The following SSBP3 variants were observed in gnomAD, a reference collection of about 807,000 sequenced individuals.
SSBP3 encodes single-stranded DNA-binding protein 3.
SSBP3 carries 5 observed loss-of-function variants against 69.6 expected under a neutral mutation model. The observed-to-expected ratio is 0.07, with a 90% confidence interval of 0.04 to 0.15. SSBP3 has a LOEUF of 0.15. Among genes scored for constraint, SSBP3 ranks in the 10% least tolerant of loss-of-function variants. SSBP3 has a pLI of 1.00. For missense variants in SSBP3, 312 were observed against 534.0 expected (o/e 0.58, Z 4.10); for synonymous variants, 196 against 193.4 (o/e 1.01, Z -0.11).
At chr1:54,254,936 G>GA (rs1644892931) in intron 7 of SSBP3, among the ~76,000 whole-genome samples, 1 of 152,040 alleles carries the variant, frequency 6.6e-6, no homozygotes, top group Non-Finnish European at 1.5e-5. Context: ...AGGTCCCAGC[G>GA]ATTCTCCTGC....
At chr1:54,374,428 G>A (rs1314631109) in intron 4 of SSBP3, among the ~76,000 whole-genome samples, 1 of 152,172 alleles carries the variant, frequency 6.6e-6, no homozygotes, top group African/African-American at 2.4e-5. Flanking sequence ...ACACTTTCTT[G>A]AGGCCCTGCT....
intron 4 of SSBP3, among the ~76,000 whole-genome samples, chr1:54,297,996 T>G (rs1645730969): frequency 1.3e-5 from 2 of 152,104 alleles, no homozygotes; most frequent in African/African-American, 4.8e-5. Flanking sequence ...GATCCCAGGT[T>G]CTGGGGATGG....
chr1:54,238,369 A>C, intron 14 of SSBP3: 1 of 468,672 alleles, frequency 2.1e-6, no homozygotes, highest in Non-Finnish European at 4.4e-6. Flanking sequence ...TCAGACCCTG[A>C]GCTCCTGGAG....
intron 4 of SSBP3, among the ~76,000 whole-genome samples, chr1:54,325,673 G>GT (rs945512563): frequency 2.4e-4 from 37 of 152,270 alleles, no homozygotes; most frequent in Non-Finnish European, 4.3e-4. Context: ...CTTCCTGGTT[G>GT]TTTTTTTGCC....
At chr1:54,405,087 C>A (rs954654792) in intron 1 of SSBP3, among the ~76,000 whole-genome samples, 157 bp from the exon 2 acceptor site, 2 of 152,188 alleles carry the variant, frequency 1.3e-5, no homozygotes, top group African/African-American at 4.8e-5. Context: ...ACAGGGCCGC[C>A]AGGTGCGAAC....
At chr1:54,244,198 G>A (rs891998378) in intron 9 of SSBP3, among the ~76,000 whole-genome samples, 1 of 152,166 alleles carries the variant, frequency 6.6e-6, no homozygotes, top group South Asian at 2.1e-4. Flanking sequence ...CCACCTCCCA[G>A]GTTCAAGCGA....
intron 4 of SSBP3, among the ~76,000 whole-genome samples, chr1:54,291,239 A>C (rs1485339805): frequency 6.6e-6 from 1 of 152,132 alleles, no homozygotes; most frequent in African/African-American, 2.4e-5. Context: ...CACTCTCCTC[A>C]GTGAGCATCA....
Position 54,229,626 on chromosome 1 carries a change from T to C in SSBP3, c.928-800A>G, listed in dbSNP as rs1037683628. Among the ~76,000 whole-genome samples, 11 of 152,174 alleles carry C rather than the reference T, an allele frequency of 7.2e-5. No individual in the cohort carries two copies. The East Asian group carries it at 1.2e-3, about 16-fold the overall frequency. On this transcript the variant is annotated intron_variant, in intron 14 of 17. Transcript: ENST00000610401. ...AGCCTATCTGGAACTATCAAACCCTTCTCGGAAAGGAAGACCAGAAAGGTC... is the reference window on the plus strand; with the variant it reads ...AGCCTATCTGGAACTATCAAACCCTCCTCGGAAAGGAAGACCAGAAAGGTC...
At chr1:54,396,417 G>A (rs930218630) in intron 4 of SSBP3, among the ~76,000 whole-genome samples, 1 of 152,110 alleles carries the variant, frequency 6.6e-6, no homozygotes, top group African/African-American at 2.4e-5. Context: ...AAAGGCTACA[G>A]CTAGTGCCAC....
chr1:54,368,020 G>A (rs34924441), intron 4 of SSBP3, among the ~76,000 whole-genome samples: 17,555 of 152,102 alleles, frequency 0.12, 1,381 homozygotes, highest in Admixed American at 0.25. Flanking sequence ...AGAAAACCTA[G>A]GCCGGGCACA....
intron 5 of SSBP3, among the ~76,000 whole-genome samples, chr1:54,263,178 A>G (rs1202716232): frequency 6.6e-6 from 1 of 152,266 alleles, no homozygotes. Context: ...AAAAGCCTTT[A>G]CCCACACTGA....
At chr1:54,369,311 G>A (rs538415741) in intron 4 of SSBP3, among the ~76,000 whole-genome samples, 70 of 142,416 alleles carry the variant, frequency 4.9e-4, no homozygotes, top group African/African-American at 1.6e-3. Flanking sequence ...GGGGACGGGG[G>A]TGGGGGGGCA....
rs142930437 is a variant in SSBP3, at chr1:54,344,763, A to G, written c.276+57098T>C. On this transcript the variant is annotated intron_variant, in intron 4 of 17. Transcript: ENST00000610401. ...TGGGTGGTTCACACTTGTAATCCCA[A>G]TGCTTTGGGAGGCCAAAGCAGGAGG... 3.8e-3 allele frequency among the ~76,000 whole-genome samples: 581 copies of G among 152,306 alleles called. 6 individuals are homozygous for G. Among genetic ancestry groups the G allele is most frequent in the African/African-American group, 0.013 (543 of 41,552 alleles).
intron 4 of SSBP3, among the ~76,000 whole-genome samples, chr1:54,391,245 C>T (rs1458288235): frequency 6.6e-6 from 1 of 152,186 alleles, no homozygotes; most frequent in Non-Finnish European, 1.5e-5. Context: ...ACCCAACTTC[C>T]AAAAAGCTGG....
At chr1:54,401,504 T>C (rs1481066561) in intron 4 of SSBP3, among the ~76,000 whole-genome samples, 1 of 152,186 alleles carries the variant, frequency 6.6e-6, no homozygotes, top group Non-Finnish European at 1.5e-5. Context: ...TGGCTTTTGT[T>C]TGTTACAATT....
At chr1:54,371,564 T>C (rs1271049190) in intron 4 of SSBP3, among the ~76,000 whole-genome samples, 2 of 152,220 alleles carry the variant, frequency 1.3e-5, no homozygotes, top group Non-Finnish European at 2.9e-5. Context: ...ATGGTGCCTC[T>C]GGATGCACTC....
chr1:54,373,541 A>G (rs1175962945), intron 4 of SSBP3, among the ~76,000 whole-genome samples: 2 of 152,032 alleles, frequency 1.3e-5, no homozygotes, highest in Non-Finnish European at 2.9e-5. Flanking sequence ...AGGCGGGTGG[A>G]TTGCTTGAGA....
upstream of SSBP3, among the ~76,000 whole-genome samples, chr1:54,407,293 G>A (rs1649847694): frequency 6.6e-6 from 1 of 152,194 alleles, no homozygotes; most frequent in African/African-American, 2.4e-5. Context: ...GAGATGGGGG[G>A]CGTCACCTGG....
At chr1:54,346,562 C>G (rs1444077223) in intron 4 of SSBP3, among the ~76,000 whole-genome samples, 1 of 152,054 alleles carries the variant, frequency 6.6e-6, no homozygotes, top group Non-Finnish European at 1.5e-5. Context: ...CACCTGTAAT[C>G]CCAACACTTT....
Sources: gnomAD v4.1 joint callset for allele counts (sites outside exome capture counted in the v4.1 genomes callset) on GRCh38, gnomAD v4.1.1 for gene constraint, MANE v1.5 for transcripts, NCBI Gene and HGNC (gene_info 2026-07-23, HGNC 2026-07-21) for gene names.